Variants in OPCML observed in about 807,000 individuals in gnomAD.
OPCML encodes opioid binding protein/cell adhesion molecule like, also known as opioid-binding protein/cell adhesion molecule.
OPCML carries 13 observed loss-of-function variants against 37.8 expected under a neutral mutation model. The ratio of observed to expected loss-of-function variants is 0.34; its 90% CI spans 0.22 to 0.55. The LOEUF (loss-of-function observed/expected upper bound fraction) is 0.55. OPCML is among the 20% of genes least tolerant of loss of function. OPCML has a pLI of 0.91. For missense variants in OPCML, 341 were observed against 435.6 expected (o/e 0.78, Z 1.93); for synonymous variants, 176 against 168.8 (o/e 1.04, Z -0.33).
intron 1 of OPCML, among the ~76,000 whole-genome samples, chr11:133,017,483 C>G (rs767633347): frequency 6.6e-6 from 1 of 152,002 alleles, no homozygotes; most frequent in Non-Finnish European, 1.5e-5. Flanking sequence ...CCACAACCTC[C>G]GCCTCCTGGG....
At chr11:133,486,124 A>C (rs1237053294) in intron 1 of OPCML, among the ~76,000 whole-genome samples, 1 of 152,212 alleles carries the variant, frequency 6.6e-6, no homozygotes, top group Non-Finnish European at 1.5e-5. Flanking sequence ...GCAAAAACAC[A>C]CATAACCCAA....
At chr11:133,192,776 G>A (rs758968336) in intron 1 of OPCML, among the ~76,000 whole-genome samples, 78 of 152,040 alleles carry the variant, frequency 5.1e-4, no homozygotes, top group Non-Finnish European at 9.4e-4. Flanking sequence ...CTGTGCAAAA[G>A]GCTAAATTCA....
At chr11:133,439,569 G>A (rs1253965390) in intron 1 of OPCML, among the ~76,000 whole-genome samples, 4 of 152,066 alleles carry the variant, frequency 2.6e-5, no homozygotes, top group Admixed American at 6.5e-5. Context: ...CCAGGTTCAC[G>A]TCATTCTCCT....
chr11:133,096,727 A>T (rs951104243), intron 1 of OPCML, among the ~76,000 whole-genome samples: 3 of 152,122 alleles, frequency 2.0e-5, no homozygotes, highest in Admixed American at 1.3e-4. Context: ...GTAGGAGCAG[A>T]TATATTAATT....
chr11:132,534,225 T>C (rs1234609102), intron 3 of OPCML, among the ~76,000 whole-genome samples: 1 of 152,136 alleles, frequency 6.6e-6, no homozygotes, highest in East Asian at 1.9e-4. Flanking sequence ...CAATAACTAC[T>C]TCAGGTCCTC....
rs557856650 is a variant in OPCML at position 133,363,953 on chromosome 11, T to G, written c.61+168311A>C. ...TCTGCTGGCCACATCAAGCTCGCAG[T>G]GACCTAGCCCTGACGCTGCACAGCA... On this transcript the variant is annotated intron_variant, in intron 1 of 7. Coordinates refer to ENST00000524381, the MANE Select transcript of OPCML (RefSeq NM_001012393.5). Among the ~76,000 whole-genome samples, 5 of 152,276 alleles carry G rather than the reference T, an allele frequency of 3.3e-5. No homozygotes were observed. The South Asian group carries it at 8.3e-4, about 25-fold the overall frequency.
intron 4 of OPCML, among the ~76,000 whole-genome samples, chr11:132,452,035 C>G (rs540984966): frequency 6.6e-6 from 1 of 152,194 alleles, no homozygotes; most frequent in African/African-American, 2.4e-5. Flanking sequence ...TGTCACAGGA[C>G]AGGCTAGGCT....
intron 2 of OPCML, among the ~76,000 whole-genome samples, chr11:132,823,632 C>T (rs1391340421): frequency 2.6e-5 from 4 of 152,154 alleles, no homozygotes; most frequent in African/African-American, 9.7e-5. Context: ...CCCTTTAACT[C>T]ACTGCTTTCT....
chr11:133,131,768 A>G (rs1268217681), intron 1 of OPCML, among the ~76,000 whole-genome samples: 1 of 152,192 alleles, frequency 6.6e-6, no homozygotes, highest in Non-Finnish European at 1.5e-5. Context: ...AACATGTTTG[A>G]ACCTCACAGA....
At chr11:132,961,528 C>T (rs1397829330) in intron 1 of OPCML, among the ~76,000 whole-genome samples, 2 of 152,088 alleles carry the variant, frequency 1.3e-5, no homozygotes, top group Admixed American at 6.5e-5. Context: ...AAAGTCAGTG[C>T]CGAGCACACT....
chr11:132,511,345 T>C (rs973771037), intron 4 of OPCML, among the ~76,000 whole-genome samples: 4 of 152,166 alleles, frequency 2.6e-5, no homozygotes, highest in Admixed American at 2.0e-4. Flanking sequence ...ATGTCAACTG[T>C]TCCAAAATTA....
chr11:132,876,362 G>A (rs1350819450), intron 2 of OPCML, among the ~76,000 whole-genome samples: 2 of 152,176 alleles, frequency 1.3e-5, no homozygotes, highest in Non-Finnish European at 2.9e-5. Context: ...TATGATCTGA[G>A]TTCAGGGCCA....
chr11:133,048,692 C>T (rs1400326955), intron 1 of OPCML, among the ~76,000 whole-genome samples: 3 of 152,138 alleles, frequency 2.0e-5, no homozygotes, highest in Non-Finnish European at 4.4e-5. Context: ...AAGAACTATA[C>T]AGTACTAGAT....
At chr11:132,914,808 T>C (rs1242369737) in intron 2 of OPCML, among the ~76,000 whole-genome samples, 1 of 152,214 alleles carries the variant, frequency 6.6e-6, no homozygotes, top group Non-Finnish European at 1.5e-5. Context: ...TAAGAAAGTG[T>C]TGCAGCAGAA....
At chr11:132,952,149 A>C (rs539459274) in intron 1 of OPCML, among the ~76,000 whole-genome samples, 1 of 152,200 alleles carries the variant, frequency 6.6e-6, no homozygotes, top group East Asian at 1.9e-4. Context: ...AAACCAACCT[A>C]AGTCAGTGTG....
At chr11:132,789,333 A>G (rs1937740463) in intron 2 of OPCML, among the ~76,000 whole-genome samples, 1 of 152,248 alleles carries the variant, frequency 6.6e-6, no homozygotes, top group South Asian at 2.1e-4. Context: ...TATGAATGTG[A>G]ATATCTTAAC....
intron 2 of OPCML, among the ~76,000 whole-genome samples, chr11:132,781,361 C>G (rs146086072): frequency 1.4e-4 from 22 of 152,044 alleles, no homozygotes; most frequent in African/African-American, 2.4e-4. Flanking sequence ...ACTGCTTGAG[C>G]CGGGACACTG....
intron 1 of OPCML, chr11:133,423,571 T>A: frequency 2.5e-6 from 2 of 809,632 alleles, no homozygotes; most frequent in Non-Finnish European, 3.0e-6. Context: ...GAAAAGCAGA[T>A]CTGTGAAAGA....
At chr11:133,455,491 T>A (rs1946656180) in intron 1 of OPCML, among the ~76,000 whole-genome samples, 1 of 152,158 alleles carries the variant, frequency 6.6e-6, no homozygotes, top group East Asian at 1.9e-4. Context: ...CATAGTGCAA[T>A]TTAAGGGGTG....
Sources: allele counts gnomAD v4.1 joint callset (sites outside exome capture counted in the v4.1 genomes callset), GRCh38; gene constraint gnomAD v4.1.1; transcripts MANE v1.5; gene names NCBI Gene and HGNC (gene_info 2026-07-23, HGNC 2026-07-21).